Variants in MRPL37 observed in about 807,000 individuals in gnomAD.
The protein encoded by MRPL37 is large ribosomal subunit protein mL37.
MRPL37 carries 34 observed loss-of-function variants against 44.1 expected under a neutral mutation model. The observed-to-expected ratio is 0.77, with a 90% CI of 0.59 to 1.03. The LOEUF (loss-of-function observed/expected upper bound fraction) is 1.03, where lower values mean the gene tolerates loss of function less well. Ranked by LOEUF, MRPL37 falls within the 50% of genes least tolerant of loss-of-function variation. The pLI is 0.00. For missense variants in MRPL37, 532 were observed against 543.7 expected, an observed-to-expected ratio of 0.98 and a Z score of 0.21; for synonymous variants, 212 against 219.5, an observed-to-expected ratio of 0.97 and a Z score of 0.30.
intron 3 of MRPL37, 110 bp from the exon 4 acceptor site, chr1:54,209,836 A>T (rs1274847240): frequency 1.8e-6 from 2 of 1,101,706 alleles, no homozygotes; most frequent in Non-Finnish European, 2.6e-6. Flanking sequence ...GCTTCCAATG[A>T]TCCACCTGCC....
Position 54,212,588 on chromosome 1 carries a change from A to T in MRPL37, c.920A>T (p.Asp307Val). 1 of 1,614,210 alleles carries T rather than the reference A, an allele frequency of 6.2e-7. No homozygotes were observed. ...ANLRPHRLQPDQLRAKMILFA... is the reference protein window; with the variant it reads ...ANLRPHRLQPVQLRAKMILFA... ...TTACGACCACACCGCCTTCAACCAG[A>T]TCAGCTGCGGGCCAAGATGATCCTG... The change falls in exon 5 of 7, where the codon GAT becomes GTT. Residue 307 changes from aspartate (D) to valine (V), a missense_variant. Transcript: ENST00000360840.
At chr1:54,210,621 C>T (rs1358929644) in intron 4 of MRPL37, among the ~76,000 whole-genome samples, 1 of 152,196 alleles carries the variant, frequency 6.6e-6, no homozygotes, top group Non-Finnish European at 1.5e-5. Context: ...CCATGTACTC[C>T]GTCAGGCAAG....
chr1:54,222,089 C>T (rs1164318442), downstream of MRPL37, among the ~76,000 whole-genome samples: 1 of 152,234 alleles, frequency 6.6e-6, no homozygotes, highest in Admixed American at 6.5e-5. Flanking sequence ...GGCTACTCAA[C>T]AACATCCAGT....
downstream of MRPL37, chr1:54,220,995 C>T: frequency 2.7e-6 from 1 of 368,604 alleles, no homozygotes; most frequent in Non-Finnish European, 5.6e-6. Context: ...TGGGGGAAAG[C>T]CACTTTTCCC....
intron 1 of MRPL37, among the ~76,000 whole-genome samples, chr1:54,201,369 A>G (rs1378694971): frequency 6.6e-6 from 1 of 152,206 alleles, no homozygotes; most frequent in African/African-American, 2.4e-5. Context: ...CAGCCTCTTA[A>G]GCTTCTCAAT....
At chr1:54,201,854 AC>A (rs1360938000) in intron 1 of MRPL37, among the ~76,000 whole-genome samples, 1 of 151,996 alleles carries the variant, frequency 6.6e-6, no homozygotes, top group East Asian at 1.9e-4. Flanking sequence ...TCTAATTATC[AC>A]CTATTTTTCA....
At chr1:54,213,007 A>G (rs1450508305) in intron 5 of MRPL37, among the ~76,000 whole-genome samples, 1 of 152,200 alleles carries the variant, frequency 6.6e-6, no homozygotes, top group Non-Finnish European at 1.5e-5. Context: ...CCCACTCTGA[A>G]GTCTTCAGTT....
chr1:54,209,403 A>AT (rs1200166469), intron 3 of MRPL37, among the ~76,000 whole-genome samples: 2 of 151,904 alleles, frequency 1.3e-5, no homozygotes. Flanking sequence ...CTTGAGGCAC[A>AT]TGGGAGGATG....
chr1:54,223,648 G>A (rs1015192430), downstream of MRPL37, among the ~76,000 whole-genome samples: 1 of 152,186 alleles, frequency 6.6e-6, no homozygotes, highest in Non-Finnish European at 1.5e-5. Context: ...TCCTACCTCT[G>A]GCCCCCCAGG....
intron 1 of MRPL37, 59 bp from the exon 2 acceptor site, chr1:54,204,959 G>A (rs896191539): frequency 4.5e-5 from 70 of 1,561,328 alleles, no homozygotes; most frequent in Non-Finnish European, 5.6e-5. Flanking sequence ...GCAGGTGTAA[G>A]CATCTCTTCC....
intron 3 of MRPL37, 71 bp downstream of exon 3, chr1:54,205,481 G>A: frequency 7.9e-7 from 1 of 1,272,432 alleles, no homozygotes; most frequent in Admixed American, 1.9e-5. Flanking sequence ...CCCACCACCA[G>A]CTCCCATCCC....
intron 5 of MRPL37, among the ~76,000 whole-genome samples, chr1:54,214,044 G>A (rs1048913314): frequency 6.6e-6 from 1 of 152,240 alleles, no homozygotes; most frequent in African/African-American, 2.4e-5. Flanking sequence ...TTAGCTGGGT[G>A]TGGTGGCATG....
downstream of MRPL37, chr1:54,225,418 A>G: frequency 3.2e-6 from 4 of 1,233,528 alleles, no homozygotes; most frequent in Non-Finnish European, 4.0e-6. Flanking sequence ...TTCCCCAAAC[A>G]TGTCAGGAAG....
rs11544811 is a variant in MRPL37, at chr1:54,200,360, G to T, written c.117G>T (p.Arg39=). 1 of 1,614,182 alleles carries T rather than the reference G, an allele frequency of 6.2e-7. No homozygotes were observed. The highest frequency in any genetic ancestry group is 8.5e-7 in the Non-Finnish European group (1 of 1,180,024). Residue 39 remains arginine (R), a synonymous_variant, in exon 1 of 7, where the codon CGG becomes CGT. Coordinates refer to ENST00000360840, the MANE Select transcript of MRPL37 (RefSeq NM_016491.4). ...GAYEWGVRST[R]KSEPPPLDRV... is the part of the protein sequence containing the mutation. ...ATGAGTGGGGCGTGCGCTCCACGCG[G>T]AAGTCGGAGCCTCCTCCCCTGGATA...
chr1:54,202,234 T>C (rs1644089994), intron 1 of MRPL37, among the ~76,000 whole-genome samples: 1 of 152,048 alleles, frequency 6.6e-6, no homozygotes, highest in Admixed American at 6.6e-5. Context: ...AATCTGGGAC[T>C]CAAGTGATCC....
At chr1:54,219,061 G>A (rs915149880), downstream of MRPL37, among the ~76,000 whole-genome samples, 5 of 152,258 alleles carry the variant, frequency 3.3e-5, no homozygotes, top group African/African-American at 1.2e-4. Flanking sequence ...AACCTGTGGA[G>A]AGCGAAGGCA....
At chr1:54,200,630 A>G in intron 1 of MRPL37, 41 bp downstream of exon 1, 1 of 1,540,984 alleles carries the variant, frequency 6.5e-7, no homozygotes. Context: ...GTGTTCCTCT[A>G]ACCAGCACCG....
chr1:54,200,535 C>T lies in MRPL37; in HGVS notation c.292C>T (p.Leu98=). Residue 98 remains leucine (L), a synonymous_variant, in exon 1 of 7, where the codon CTG becomes TTG. Coordinates refer to ENST00000360840, the MANE Select transcript of MRPL37 (RefSeq NM_016491.4). ...YRSPPLHEHP[L]YKDQACYIFH... is the part of the protein sequence containing the mutation. ...CTCGCCCCCTCTTCACGAGCATCCG[C>T]TGTACAAAGACCAGGCCTGCTATAT... is the stretch of plus-strand genomic sequence containing the variant. 1 of 1,613,912 alleles carries T rather than the reference C, an allele frequency of 6.2e-7. No homozygotes were observed. The highest frequency in any genetic ancestry group is 8.5e-7 in the Non-Finnish European group (1 of 1,179,808).
intron 5 of MRPL37, 78 bp downstream of exon 5, chr1:54,212,736 A>G: frequency 6.3e-7 from 1 of 1,576,460 alleles, no homozygotes; most frequent in Non-Finnish European, 8.7e-7. Context: ...TCAGAGGAAG[A>G]AAAGGGATAT....
Sources: allele counts gnomAD v4.1 joint callset (sites outside exome capture counted in the v4.1 genomes callset), GRCh38; gene constraint gnomAD v4.1.1; transcripts MANE v1.5; gene names NCBI Gene and HGNC (gene_info 2026-07-23, HGNC 2026-07-21).